GSDME: variants seen among roughly 807,000 people sequenced by gnomAD.
GSDME encodes the protein gasdermin-E.
GSDME carries 44 observed loss-of-function variants against 47.5 expected under a neutral mutation model. The ratio of observed to expected loss-of-function variants is 0.93; its 90% CI spans 0.73 to 1.19. GSDME has a LOEUF of 1.19. Ranked by LOEUF, GSDME falls within the 50% of genes most tolerant of loss-of-function variation. The pLI is 0.00. For synonymous variants in GSDME, 258 were observed against 252.8 expected (o/e 1.02, Z -0.20); for missense variants, 663 against 604.2 (o/e 1.10, Z -1.02).
chr7:24,791,447 A>C, the GSDME span, among the ~76,000 whole-genome samples: 1 of 152,194 alleles, frequency 6.6e-6, no homozygotes, highest in South Asian at 2.1e-4. The surrounding 1 kb of genome is among the most constrained non-coding windows in gnomAD (Gnocchi z 4.8). Flanking sequence ...TTGTGCTGCT[A>C]GGAGGTGACA....
intron 8 of GSDME, chr7:24,704,672 C>T (rs1326011113): frequency 6.6e-6 from 1 of 152,004 alleles, no homozygotes; most frequent in Non-Finnish European, 1.5e-5. Flanking sequence ...AAGTCAGTCT[C>T]ACATTATGTG....
At chr7:24,772,502 T>C in the GSDME span, among the ~76,000 whole-genome samples, 1 of 152,232 alleles carries the variant, frequency 6.6e-6, no homozygotes, top group Non-Finnish European at 1.5e-5. This position sits in a 1 kb window ranked among gnomAD's most constrained non-coding sequence, Gnocchi z 4.5. Flanking sequence ...TCTCACACAA[T>C]GTCTAGCACA....
Position 24,732,681 on chromosome 7 carries a change from C to T in GSDME, c.404+11881G>A, listed in dbSNP as rs539941687. ...GCATGGAACTCAGTGCTGCCAACACCGGGCAGAACTCAGCCAGCGCCCACT... is the reference window on the plus strand; with the variant it reads ...GCATGGAACTCAGTGCTGCCAACACTGGGCAGAACTCAGCCAGCGCCCACT... On this transcript the variant is annotated intron_variant, in intron 3 of 9. Transcript: ENST00000645220. This position sits in a 1 kb window ranked among gnomAD's most constrained non-coding sequence, Gnocchi z 4.8. Among the ~76,000 whole-genome samples the T allele has an allele frequency of 2.8e-4, 43 of 152,286 alleles. No individual in the cohort carries two copies. The highest frequency in any genetic ancestry group is 7.2e-4 in the African/African-American group (30 of 41,542).
upstream of GSDME, among the ~76,000 whole-genome samples, chr7:24,758,345 G>T (rs564552600): frequency 6.6e-6 from 1 of 152,244 alleles, no homozygotes; most frequent in South Asian, 2.1e-4. The surrounding 1 kb of genome is among the most constrained non-coding windows in gnomAD (Gnocchi z 4.6). Flanking sequence ...CCAGAAGACA[G>T]ATTTAAGCTT....
Position 24,706,217 on chromosome 7 carries a change from T to C in GSDME, c.1150A>G (p.Met384Val), listed in dbSNP as rs926529653. Residue 384 changes from methionine (M) to valine (V), a missense_variant, in exon 8 of 10, where the codon ATG becomes GTG. Coordinates refer to ENST00000645220, the MANE Select transcript of GSDME (RefSeq NM_001127453.2). Reference protein sequence around the residue: ...PEDAGSKQLFMTAYFLVSALA... With the variant: ...PEDAGSKQLFVTAYFLVSALA... The stretch of plus-strand genomic sequence containing the variant: ...GCACTGACCAAGAAGTAGGCTGTCA[T>C]AAACAGCTGCTTGCTGCCTGCATCC... The C allele has an allele frequency of 1.2e-6, 2 of 1,614,242 alleles. No homozygotes were observed. Among genetic ancestry groups the C allele is most frequent in the East Asian group, 4.5e-5 (2 of 44,886 alleles).
chr7:24,710,353 C>T lies in GSDME; in HGVS notation c.733G>A (p.Glu245Lys), dbSNP rs778242350. Reference sequence around the variant, plus strand: ...ACAGAGTCAATTCTCTTCTTGTTCTCGAAGCCACCTTGCTTCCCTCGGAGA... The same window carrying T: ...ACAGAGTCAATTCTCTTCTTGTTCTTGAAGCCACCTTGCTTCCCTCGGAGA... The part of the protein sequence containing the change: ...CLLRGKQGGF[E>K]NKKRIDSVYL... The change falls in exon 6 of 10, where the codon GAG (glutamate) becomes AAG (lysine). Residue 245 changes from glutamate to lysine, a missense_variant. Glu to Lys is a moderately conservative substitution (Grantham distance 56). Transcript: ENST00000645220. The T allele has an allele frequency of 8.1e-6, 13 of 1,614,230 alleles. No homozygotes were observed. The highest frequency in any genetic ancestry group is 5.0e-5 in the Admixed American group (3 of 60,028).
In GSDME at chr7:24,724,266, GC is replaced by G. The variant is rs1004947404; in HGVS notation, c.405-5049del. 1.3e-5 allele frequency among the ~76,000 whole-genome samples: 2 copies of G among 151,978 alleles called. No homozygotes were observed. The highest frequency in any genetic ancestry group is 6.6e-5 in the Admixed American group (1 of 15,252). ...TACTTGCTCTTTTTATTGGTGCCTA[GC>G]CCTGTGCTATCCACCCAGCTGGGGG... is the stretch of plus-strand genomic sequence containing the variant. On this transcript the variant is annotated intron_variant, in intron 3 of 9. Coordinates refer to ENST00000645220, the MANE Select transcript of GSDME (RefSeq NM_001127453.2). The surrounding 1 kb of genome is among the most constrained non-coding windows in gnomAD (Gnocchi z 4.8).
intron 3 of GSDME, among the ~76,000 whole-genome samples, chr7:24,723,146 C>T (rs940566626): frequency 6.6e-6 from 1 of 152,206 alleles, no homozygotes; most frequent in African/African-American, 2.4e-5. Context: ...TTTTGGAAAC[C>T]AAATGCTGGA....
In GSDME at chr7:24,726,010, CCAGGCAGGAGCTGCTGGGAGGCGG is replaced by C. The variant is rs1272609559; in HGVS notation, c.405-6816_405-6793del. Among the ~76,000 whole-genome samples, 12 of 152,136 alleles carry C rather than the reference CCAGGCAGGAGCTGCTGGGAGGCGG, an allele frequency of 7.9e-5. No individual in the cohort carries two copies. The East Asian group carries it at 1.4e-3, about 17-fold the overall frequency. On this transcript the variant is annotated intron_variant, in intron 3 of 9. Coordinates refer to ENST00000645220, the MANE Select transcript of GSDME (RefSeq NM_001127453.2). The surrounding 1 kb of genome is among the most constrained non-coding windows in gnomAD (Gnocchi z 5.6). ...GACGAGAGATGGCTGGAAAAGGAGA[CCAGGCAGGAGCTGCTGGGAGGCGG>C]CAGGCAGAGATGGAGGGAGGGAAGC...
the GSDME span, among the ~76,000 whole-genome samples, chr7:24,787,229 C>A: frequency 1.3e-5 from 2 of 152,188 alleles, no homozygotes; most frequent in Non-Finnish European, 2.9e-5. The surrounding 1 kb of genome is among the most constrained non-coding windows in gnomAD (Gnocchi z 5.0). Flanking sequence ...CTGGCTGCCA[C>A]GTCCTCTCAT....
chr7:24,791,749 C>T, the GSDME span, among the ~76,000 whole-genome samples: 1 of 152,112 alleles, frequency 6.6e-6, no homozygotes, highest in Non-Finnish European at 1.5e-5. This position sits in a 1 kb window ranked among gnomAD's most constrained non-coding sequence, Gnocchi z 4.8. Flanking sequence ...AGTAAAGGTC[C>T]GCCACAATAC....
At chr7:24,717,784 C>T (rs1017499804) in intron 4 of GSDME, among the ~76,000 whole-genome samples, 7 of 152,302 alleles carry the variant, frequency 4.6e-5, no homozygotes, top group East Asian at 3.9e-4. Context: ...CCCCCTACCC[C>T]GTGCATATCA....
At chr7:24,700,803 G>A (rs1329609970) in intron 9 of GSDME, among the ~76,000 whole-genome samples, 5 of 152,148 alleles carry the variant, frequency 3.3e-5, no homozygotes, top group South Asian at 2.1e-4. Flanking sequence ...AATTAAGGAG[G>A]AGCCCCACTG....
chr7:24,699,812 A>T (rs1208660662), intron 9 of GSDME, among the ~76,000 whole-genome samples: 1 of 152,226 alleles, frequency 6.6e-6, no homozygotes, highest in East Asian at 1.9e-4. Flanking sequence ...TAACTCCAGT[A>T]CATTAGAAAG....
At chr7:24,720,388 G>A (rs1789733581) in intron 3 of GSDME, among the ~76,000 whole-genome samples, 1 of 152,128 alleles carries the variant, frequency 6.6e-6, no homozygotes, top group Admixed American at 6.5e-5. Context: ...TAGTTACCTT[G>A]AAAAGCTCAG....
chr7:24,738,385 ATAAAAT>A (rs963561176), intron 3 of GSDME, among the ~76,000 whole-genome samples: 1 of 152,200 alleles, frequency 6.6e-6, no homozygotes, highest in African/African-American at 2.4e-5. Context: ...ATAGCTACAA[ATAAAAT>A]TAAATATCTA....
rs1421877188 is a variant in GSDME at position 24,721,408 on chromosome 7, G to A, written c.405-2190C>T. Among the ~76,000 whole-genome samples the A allele has an allele frequency of 6.6e-6, 1 of 152,206 alleles. No individual in the cohort carries two copies. Among genetic ancestry groups the A allele is most frequent in the South Asian group, 2.1e-4 (1 of 4,828 alleles). ...AGACTCCATTTCCAGGAAGGAACAG[G>A]AAACAGGGACCCTGGAGCCTGCAGG... is the stretch of plus-strand genomic sequence containing the variant. On this transcript the variant is annotated intron_variant, in intron 3 of 9. Coordinates refer to ENST00000645220, the MANE Select transcript of GSDME (RefSeq NM_001127453.2). This position sits in a 1 kb window ranked among gnomAD's most constrained non-coding sequence, Gnocchi z 4.1.
At chr7:24,752,601 A>T (rs548820657) in intron 1 of GSDME, among the ~76,000 whole-genome samples, 1 of 152,256 alleles carries the variant, frequency 6.6e-6, no homozygotes, top group South Asian at 2.1e-4. Flanking sequence ...AGGCTGGGAG[A>T]TGAGAAGGAA....
At chr7:24,766,392 G>A in the GSDME span, among the ~76,000 whole-genome samples, 1 of 151,902 alleles carries the variant, frequency 6.6e-6, no homozygotes, top group Non-Finnish European at 1.5e-5. The surrounding 1 kb of genome is among the most constrained non-coding windows in gnomAD (Gnocchi z 4.2). Context: ...TCATGGTGGT[G>A]TGCTGCACCC....
Sources: gnomAD v4.1 joint callset for allele counts (sites outside exome capture counted in the v4.1 genomes callset) on GRCh38, gnomAD v4.1.1 for gene constraint, Gnocchi (gnomAD v3.1) non-coding constraint, MANE v1.5 for transcripts, NCBI Gene and HGNC (gene_info 2026-07-23, HGNC 2026-07-21) for gene names.